Variants in RMDN2 observed in about 807,000 individuals in gnomAD.
RMDN2 encodes the protein regulator of microtubule dynamics protein 2.
A neutral mutation model predicts 52.8 loss-of-function variants in RMDN2; 61 were observed. That is an observed-to-expected ratio of 1.16 (90% CI 0.94 to 1.43). The LOEUF is 1.43. RMDN2 is among the 40% of genes most tolerant of loss of function. The probability of loss-of-function intolerance (pLI) is 0.00; values close to 1 mark genes in which losing one functional copy is unlikely to be tolerated. For missense variants in RMDN2, 592 were observed against 475.3 expected (o/e 1.25, Z -2.28); for synonymous variants, 180 against 153.1 (o/e 1.18, Z -1.30).
At chr2:37,961,002 T>C (rs1400208114) in intron 2 of RMDN2, among the ~76,000 whole-genome samples, 3 of 152,298 alleles carry the variant, frequency 2.0e-5, no homozygotes, top group South Asian at 4.1e-4. Flanking sequence ...TTTTTATGAA[T>C]TTTGAATATT....
intron 2 of RMDN2, among the ~76,000 whole-genome samples, chr2:37,969,074 G>A (rs1292106876): frequency 2.7e-5 from 4 of 150,192 alleles, no homozygotes; most frequent in African/African-American, 9.8e-5. Context: ...ATAGACTAGC[G>A]TACATGTTCT....
At chr2:37,958,811 C>T (rs771213670) in intron 2 of RMDN2, among the ~76,000 whole-genome samples, 1 of 150,718 alleles carries the variant, frequency 6.6e-6, no homozygotes, top group Non-Finnish European at 1.5e-5. Flanking sequence ...AGAGATGTTC[C>T]CTCAATACCT....
At chr2:37,932,004 A>G (rs887445997) in intron 2 of RMDN2, among the ~76,000 whole-genome samples, 8 of 152,158 alleles carry the variant, frequency 5.3e-5, no homozygotes, top group African/African-American at 1.7e-4. Context: ...AAGCAGACAA[A>G]CAGTTTGGAT....
chr2:37,969,545 G>A (rs1671520652), intron 2 of RMDN2, among the ~76,000 whole-genome samples: 1 of 151,672 alleles, frequency 6.6e-6, no homozygotes, highest in Admixed American at 6.6e-5. Context: ...GATTTTGGAA[G>A]ATTTATTATA....
chr2:37,995,832 A>T (rs981656376), intron 7 of RMDN2, among the ~76,000 whole-genome samples: 3 of 152,236 alleles, frequency 2.0e-5, no homozygotes, highest in Non-Finnish European at 4.4e-5. Context: ...AAACAAAATT[A>T]TAGAAATGAT....
chr2:38,035,794 C>T (rs1341584255), intron 10 of RMDN2: 1 of 152,138 alleles, frequency 6.6e-6, no homozygotes, highest in African/African-American at 2.4e-5. Context: ...TTAGTTTTCT[C>T]ATAGCACCAT....
At chr2:38,004,523 C>A (rs1446135462) in intron 10 of RMDN2, among the ~76,000 whole-genome samples, 1 of 152,000 alleles carries the variant, frequency 6.6e-6, no homozygotes, top group Non-Finnish European at 1.5e-5. Flanking sequence ...TTCAAATATA[C>A]AATACAGTAT....
intron 2 of RMDN2, among the ~76,000 whole-genome samples, chr2:37,930,553 G>A (rs148117500): frequency 1.9e-3 from 296 of 152,312 alleles, no homozygotes; most frequent in African/African-American, 6.5e-3. Context: ...GGAGGGCAGG[G>A]CGCAGGTGGG....
At chr2:37,987,361 C>G (rs939920828) in intron 5 of RMDN2, among the ~76,000 whole-genome samples, 1 of 151,980 alleles carries the variant, frequency 6.6e-6, no homozygotes, top group Admixed American at 6.6e-5. Flanking sequence ...CAGGGCTAAA[C>G]AGAAATGAGC....
At chr2:37,955,141 C>T (rs1473748642) in intron 2 of RMDN2, among the ~76,000 whole-genome samples, 1 of 151,990 alleles carries the variant, frequency 6.6e-6, no homozygotes, top group Non-Finnish European at 1.5e-5. Context: ...TGTCTGTGAT[C>T]AGAGGATACT....
chr2:37,933,096 A>C (rs1245817501), intron 2 of RMDN2, among the ~76,000 whole-genome samples: 3 of 145,238 alleles, frequency 2.1e-5, no homozygotes, highest in African/African-American at 7.7e-5. Context: ...CTCACTTCTC[A>C]GGGCGGCTGG....
intron 10 of RMDN2, among the ~76,000 whole-genome samples, chr2:38,063,356 C>T (rs546407214): frequency 2.2e-3 from 333 of 152,302 alleles, no homozygotes; most frequent in African/African-American, 7.6e-3. Flanking sequence ...ATTTGCATTT[C>T]TCTGATGGCC....
intron 10 of RMDN2, among the ~76,000 whole-genome samples, chr2:38,053,269 C>T (rs1681704121): frequency 1.3e-5 from 2 of 152,190 alleles, no homozygotes; most frequent in South Asian, 4.2e-4. Flanking sequence ...GCCTCACTTA[C>T]CTAAGACCAA....
chr2:37,995,431 A>G (rs900422172), intron 7 of RMDN2, among the ~76,000 whole-genome samples: 2 of 152,136 alleles, frequency 1.3e-5, no homozygotes, highest in Non-Finnish European at 2.9e-5. Context: ...ACTATATAGT[A>G]AGTTTAATTC....
chr2:37,999,368 TAG>T (rs1156725393), intron 8 of RMDN2, among the ~76,000 whole-genome samples: 1 of 152,170 alleles, frequency 6.6e-6, no homozygotes, highest in Admixed American at 6.5e-5. Flanking sequence ...GTAAATTGCT[TAG>T]AGTGTGCCTA....
chr2:37,932,003 A>G (rs1449986187), intron 2 of RMDN2, among the ~76,000 whole-genome samples: 1 of 152,188 alleles, frequency 6.6e-6, no homozygotes, highest in Non-Finnish European at 1.5e-5. Context: ...AAAGCAGACA[A>G]ACAGTTTGGA....
intron 2 of RMDN2, among the ~76,000 whole-genome samples, chr2:37,936,204 C>T (rs960849575): frequency 4.6e-5 from 7 of 152,144 alleles, no homozygotes; most frequent in African/African-American, 1.4e-4. Flanking sequence ...CAGCTTCATC[C>T]GTGTCCCTGC....
At chr2:38,010,409 G>A (rs980988141) in intron 10 of RMDN2, among the ~76,000 whole-genome samples, 2 of 152,190 alleles carry the variant, frequency 1.3e-5, no homozygotes, top group Non-Finnish European at 1.5e-5. Context: ...CCTCGGCAAT[G>A]GCTCGCTCCC....
intron 10 of RMDN2, among the ~76,000 whole-genome samples, chr2:38,063,409 G>T (rs1213821363): frequency 3.3e-5 from 5 of 152,186 alleles, no homozygotes; most frequent in Non-Finnish European, 7.3e-5. Flanking sequence ...ATTCAAGATG[G>T]ATTGAAGACT....
Sources: allele counts gnomAD v4.1 joint callset (sites outside exome capture counted in the v4.1 genomes callset), GRCh38; gene constraint gnomAD v4.1.1; transcripts MANE v1.5; gene names NCBI Gene and HGNC (gene_info 2026-07-23, HGNC 2026-07-21).